OR2I1: variants seen among roughly 807,000 people sequenced by gnomAD.
OR2I1 encodes the protein putative olfactory receptor 2I1.
At chr6:29,554,028 G>A in the OR2I1 span, 2 of 398,910 alleles carry the variant, frequency 5.0e-6, no homozygotes, top group Non-Finnish European at 8.8e-6. Context: ...ACCAGGCACG[G>A]GGCAAGTTCG....
At chr6:29,553,865 C>T in the OR2I1 span, 1 of 398,752 alleles carries the variant, frequency 2.5e-6, no homozygotes. Context: ...GTCATCCTGG[C>T]CTCCTACGGT....
chr6:29,556,239 C>T, the OR2I1 span: 46 of 1,612,952 alleles, frequency 2.9e-5, no homozygotes, highest in Non-Finnish European at 3.9e-5. Flanking sequence ...AGAACCTGGT[C>T]CTGCACAGGA....
At chr6:29,554,297 G>A in the OR2I1 span, 3 of 397,428 alleles carry the variant, frequency 7.5e-6, no homozygotes, top group East Asian at 1.1e-4. Flanking sequence ...GAGTCCAATG[G>A]GGGATATGTT....
the OR2I1 span, chr6:29,554,808 A>G: frequency 6.6e-6 from 1 of 152,280 alleles, no homozygotes; most frequent in East Asian, 1.9e-4. Flanking sequence ...CGTGAAAAAA[A>G]CTCACAGGTG....
At chr6:29,554,234 T>C in the OR2I1 span, 1 of 398,104 alleles carries the variant, frequency 2.5e-6, no homozygotes, top group Non-Finnish European at 4.4e-6. Context: ...GTGAGTCAGT[T>C]TAGACTTCAG....
the OR2I1 span, chr6:29,556,055 C>A: frequency 6.2e-7 from 1 of 1,613,128 alleles, no homozygotes; most frequent in Non-Finnish European, 8.5e-7. Flanking sequence ...TGAGCTGGAC[C>A]TTCGCACCTG....
At chr6:29,556,677 C>A in the OR2I1 span, 1 of 307,038 alleles carries the variant, frequency 3.3e-6, no homozygotes, top group Non-Finnish European at 6.0e-6. Context: ...AGTCATTGGG[C>A]CAAGGGTGGT....
chr6:29,555,352 T>G, the OR2I1 span: 1 of 153,262 alleles, frequency 6.5e-6, no homozygotes, highest in Non-Finnish European at 1.5e-5. Context: ...CTAAAATGTT[T>G]AGTAATTTGA....
the OR2I1 span, chr6:29,553,718 T>C: frequency 5.0e-6 from 2 of 398,484 alleles, no homozygotes. Context: ...GAGCGGCCGC[T>C]GTGCGCGCCC....
At chr6:29,555,942 C>A in the OR2I1 span, 1 of 1,613,064 alleles carries the variant, frequency 6.2e-7, no homozygotes, top group Non-Finnish European at 8.5e-7. Flanking sequence ...CCGTAATCTG[C>A]CATCATCTTC....
chr6:29,556,237 G>A, the OR2I1 span: 3 of 1,613,036 alleles, frequency 1.9e-6, no homozygotes, highest in Non-Finnish European at 2.5e-6. Context: ...AAAGAACCTG[G>A]TCCTGCACAG....
chr6:29,557,014 C>T, the OR2I1 span: 1 of 152,182 alleles, frequency 6.6e-6, no homozygotes, highest in Non-Finnish European at 1.5e-5. Context: ...GGATATGCCT[C>T]ATTGTATCTT....
chr6:29,551,383 G>A, the OR2I1 span, among the ~76,000 whole-genome samples: 38 of 152,308 alleles, frequency 2.5e-4, no homozygotes, highest in Non-Finnish European at 3.7e-4. Context: ...GAAGGACCTC[G>A]AAGTTAGTCA....
At chr6:29,552,908 A>T in the OR2I1 span, 1 of 224,502 alleles carries the variant, frequency 4.5e-6, no homozygotes, top group African/African-American at 2.3e-5. Context: ...CTGCTCAAGG[A>T]TTCTTCTGGC....
the OR2I1 span, chr6:29,550,865 G>A: frequency 3.9e-5 from 6 of 152,202 alleles, no homozygotes; most frequent in Non-Finnish European, 8.8e-5. Flanking sequence ...AAGGTAAGTT[G>A]GGTATTACAG....
chr6:29,551,869 C>A, the OR2I1 span, among the ~76,000 whole-genome samples: 1 of 152,196 alleles, frequency 6.6e-6, no homozygotes, highest in African/African-American at 2.4e-5. Context: ...AATGCTTATT[C>A]TGCCCAGTGA....
At chr6:29,553,776 G>T in the OR2I1 span, 120 of 398,618 alleles carry the variant, frequency 3.0e-4, 1 homozygote, top group Admixed American at 2.5e-3. Context: ...TGCTCAAGCT[G>T]GCCTGCGGAG....
At chr6:29,556,529 A>T in the OR2I1 span, 3 of 567,468 alleles carry the variant, frequency 5.3e-6, no homozygotes, top group South Asian at 7.6e-5. Context: ...TTACAACACA[A>T]ATAAGATAAT....
At chr6:29,551,889 G>A in the OR2I1 span, among the ~76,000 whole-genome samples, 1 of 152,214 alleles carries the variant, frequency 6.6e-6, no homozygotes. Flanking sequence ...AGGATAAAAT[G>A]AGTGAAACAT....
Sources: allele counts gnomAD v4.1 joint callset (sites outside exome capture counted in the v4.1 genomes callset), GRCh38; gene constraint gnomAD v4.1.1; transcripts MANE v1.5; gene names NCBI Gene and HGNC (gene_info 2026-07-23, HGNC 2026-07-21).